The following PRDM11 variants were observed in gnomAD, a reference collection of about 807,000 sequenced individuals.
PRDM11 encodes the protein PR domain-containing protein 11.
Under a neutral mutation model 97.8 loss-of-function variants are expected in PRDM11, and 20 were observed. The observed-to-expected ratio is 0.20, with a 90% CI of 0.14 to 0.30. The LOEUF (loss-of-function observed/expected upper bound fraction) is 0.30, where lower values mean the gene tolerates loss of function less well. Among genes scored for constraint, PRDM11 ranks in the 10% least tolerant of loss-of-function variants. The probability of loss-of-function intolerance (pLI) is 1.00; values close to 1 mark genes in which losing one functional copy is unlikely to be tolerated. For missense variants in PRDM11, 1,139 were observed against 1,555.2 expected (o/e 0.73, Z 4.50); for synonymous variants, 599 against 637.7 (o/e 0.94, Z 0.91).
At chr11:45,128,482 A>G (rs1051838439) in intron 1 of PRDM11, among the ~76,000 whole-genome samples, 3 of 151,980 alleles carry the variant, frequency 2.0e-5, no homozygotes, top group Admixed American at 1.3e-4. Flanking sequence ...CTATTCAGCC[A>G]TCTTGGCTAC....
intron 1 of PRDM11, among the ~76,000 whole-genome samples, chr11:45,157,197 AG>A (rs1284044768): frequency 1.3e-5 from 2 of 152,252 alleles, no homozygotes; most frequent in African/African-American, 4.8e-5. Flanking sequence ...TTGGGGCACA[AG>A]GGACCATTTC....
chr11:45,193,346 C>T (rs950571962), intron 4 of PRDM11, among the ~76,000 whole-genome samples: 1 of 152,116 alleles, frequency 6.6e-6, no homozygotes, highest in Non-Finnish European at 1.5e-5. Context: ...TGGCTCATAG[C>T]AAGTAGTCAT....
intron 1 of PRDM11, among the ~76,000 whole-genome samples, chr11:45,117,621 C>T (rs1206704034): frequency 6.6e-6 from 1 of 152,066 alleles, no homozygotes; most frequent in Non-Finnish European, 1.5e-5. Flanking sequence ...GTGGCGTGCA[C>T]CTGTACACCC....
intron 4 of PRDM11, among the ~76,000 whole-genome samples, chr11:45,204,073 G>A (rs1319156737): frequency 1.3e-5 from 2 of 152,212 alleles, no homozygotes; most frequent in Admixed American, 6.5e-5. Flanking sequence ...ACTGACAGCT[G>A]TTGCTTTTGC....
At chr11:45,208,894 A>G (rs1414478665) in intron 5 of PRDM11, 1 of 451,444 alleles carries the variant, frequency 2.2e-6, no homozygotes. Flanking sequence ...CACCTGGCTG[A>G]GCGTAAGAGG....
chr11:45,139,762 T>A (rs1852959137), intron 1 of PRDM11, among the ~76,000 whole-genome samples: 1 of 152,162 alleles, frequency 6.6e-6, no homozygotes, highest in African/African-American at 2.4e-5. Context: ...TTCGTTTATG[T>A]GCCTATGTGT....
chr11:45,131,038 G>C (rs568639166), intron 1 of PRDM11, among the ~76,000 whole-genome samples: 11 of 152,312 alleles, frequency 7.2e-5, no homozygotes, highest in African/African-American at 2.4e-4. Context: ...CATTGGTATA[G>C]TCATATAATG....
intron 1 of PRDM11, among the ~76,000 whole-genome samples, chr11:45,122,106 G>A (rs770541947): frequency 7.9e-5 from 12 of 151,632 alleles, no homozygotes; most frequent in Admixed American, 2.6e-4. Flanking sequence ...ATACACAGTG[G>A]AGAAAATGAG....
chr11:45,094,454 G>A (rs1462177492), upstream of PRDM11, among the ~76,000 whole-genome samples: 2 of 151,860 alleles, frequency 1.3e-5, no homozygotes, highest in African/African-American at 4.8e-5. Context: ...GGGGGAGGCT[G>A]AGAGAGCAGG....
At chr11:45,112,708 C>T (rs549494498) in intron 1 of PRDM11, among the ~76,000 whole-genome samples, 3 of 152,032 alleles carry the variant, frequency 2.0e-5, no homozygotes, top group South Asian at 2.1e-4. Context: ...AGCATTTTTT[C>T]GTATGTTTGT....
At chr11:45,154,220 G>C (rs1169490365) in intron 1 of PRDM11, among the ~76,000 whole-genome samples, 5 of 152,154 alleles carry the variant, frequency 3.3e-5, no homozygotes, top group African/African-American at 1.2e-4. Context: ...CCTGGGCTTG[G>C]TGATGTGTGC....
intron 1 of PRDM11, among the ~76,000 whole-genome samples, chr11:45,180,734 A>C (rs1161439808): frequency 6.7e-6 from 1 of 149,460 alleles, no homozygotes; most frequent in East Asian, 2.0e-4. Context: ...CCCGCCGGGA[A>C]GGCTGGCGAG....
intron 1 of PRDM11, among the ~76,000 whole-genome samples, chr11:45,112,377 T>C (rs1852201636): frequency 6.6e-6 from 1 of 152,260 alleles, no homozygotes; most frequent in Non-Finnish European, 1.5e-5. Context: ...AACTTTGCAA[T>C]TGCAAATTGT....
chr11:45,198,913 G>A (rs565246066), intron 4 of PRDM11, among the ~76,000 whole-genome samples: 1 of 152,244 alleles, frequency 6.6e-6, no homozygotes, highest in African/African-American at 2.4e-5. Context: ...ATTCCTTTGT[G>A]GCCTCAGGCA....
Position 45,226,517 on chromosome 11 carries a change from G to A in PRDM11, c.1892G>A (p.Gly631Glu). The A allele has an allele frequency of 6.5e-7, 1 of 1,533,956 alleles. No homozygotes were observed. Among genetic ancestry groups the A allele is most frequent in the Non-Finnish European group, 8.7e-7 (1 of 1,146,726 alleles). ...GTGGTGGACCAGTACATGAATGAGGGAGACTGCCAGATCCTCATCCATCAC... is the reference window on the plus strand; with the variant it reads ...GTGGTGGACCAGTACATGAATGAGGAAGACTGCCAGATCCTCATCCATCAC... ...LKVVDQYMNEGDCQILIHHIA... is the reference protein window; with the variant it reads ...LKVVDQYMNEEDCQILIHHIA... The change falls in exon 8 of 8, where the codon GGA (glycine) becomes GAA (glutamate). Residue 631 changes from glycine (G) to glutamate (E), a missense_variant. Transcript: ENST00000683152.
At chr11:45,133,339 A>T (rs762899973) in intron 1 of PRDM11, among the ~76,000 whole-genome samples, 5 of 152,176 alleles carry the variant, frequency 3.3e-5, no homozygotes, top group Admixed American at 6.5e-5. Flanking sequence ...TTCTTATCTT[A>T]CTGGACCTCC....
At chr11:45,094,830 G>A (rs1252102454), upstream of PRDM11, among the ~76,000 whole-genome samples, 1 of 102,274 alleles carries the variant, frequency 9.8e-6, no homozygotes, top group Non-Finnish European at 1.9e-5. Flanking sequence ...GAGAAGGAAG[G>A]GAGGAAGGAG....
intron 1 of PRDM11, among the ~76,000 whole-genome samples, chr11:45,139,568 CAAAAAAAAAAA>C (rs10594529): frequency 1.1e-5 from 1 of 91,448 alleles, no homozygotes; most frequent in Non-Finnish European, 2.0e-5. Context: ...CTCCAACTCA[CAAAAAAAAAAA>C]AAAAAAAAAA....
chr11:45,190,018 G>T (rs187080301), intron 4 of PRDM11, among the ~76,000 whole-genome samples: 1 of 152,100 alleles, frequency 6.6e-6, no homozygotes, highest in African/African-American at 2.4e-5. Flanking sequence ...TTGAAAAGTT[G>T]CAAGAATAGT....
Sources: allele counts gnomAD v4.1 joint callset (sites outside exome capture counted in the v4.1 genomes callset), GRCh38; gene constraint gnomAD v4.1.1; transcripts MANE v1.5; gene names NCBI Gene and HGNC (gene_info 2026-07-23, HGNC 2026-07-21).